Variants in PSG5 observed in about 807,000 individuals in gnomAD.
PSG5 encodes pregnancy specific beta-1-glycoprotein 5.
Under a neutral mutation model 37.7 loss-of-function variants are expected in PSG5, and 53 were observed. The ratio of observed to expected loss-of-function variants is 1.41; its 90% confidence interval spans 1.13 to 1.77. PSG5 has a LOEUF of 1.77. Ranked by LOEUF, PSG5 falls within the 40% of genes most tolerant of loss-of-function variation. The pLI, the probability that PSG5 is intolerant of heterozygous loss-of-function variation, is 0.00. For missense variants in PSG5, 547 were observed against 405.2 expected (o/e 1.35, Z -3.00); for synonymous variants, 221 against 155.4 (o/e 1.42, Z -3.14).
At chr19:43,182,832 C>T (rs1969158531) in intron 2 of PSG5, among the ~76,000 whole-genome samples, 2 of 146,706 alleles carry the variant, frequency 1.4e-5, no homozygotes, top group African/African-American at 2.6e-5. Context: ...GGAAAGAGCC[C>T]TGGATGGGAA....
intron 2 of PSG5, chr19:43,179,037 C>T: frequency 1.2e-6 from 2 of 1,612,692 alleles, no homozygotes; most frequent in Middle Eastern, 1.7e-4. Flanking sequence ...GAGGCTCTGA[C>T]CATTCATCCA....
chr19:43,174,893 G>C lies in PSG5; in HGVS notation c.964+322C>G, dbSNP rs1043786234. 2.7e-5 allele frequency: 33 copies of C among 1,201,508 alleles called. No homozygotes were observed. The East Asian group carries it at 7.0e-4, about 26-fold the overall frequency. The allele number at this position is 1,201,508 out of a possible 1,614,324, so 74.4% of individuals were successfully genotyped here. On this transcript the variant is annotated intron_variant, in intron 4 of 5. Transcript: ENST00000342951. Reference sequence around the variant, plus strand: ...AAGACATGGCAGAAGGGGATGTGTTGGTGACATCGAGAAGCAACTTGATCT... The same window carrying C: ...AAGACATGGCAGAAGGGGATGTGTTCGTGACATCGAGAAGCAACTTGATCT...
rs1968866148 is a variant in PSG5, at chr19:43,169,858, A to T, written c.*40+197T>A. The T allele has an allele frequency of 1.6e-5, 6 of 372,698 alleles. 1 individual carries two copies. The highest frequency in any genetic ancestry group is 1.6e-4 in the Admixed American group (4 of 25,410). The allele number at this position is 372,698 out of a possible 1,614,324, so 23.1% of individuals were successfully genotyped here. A position where few individuals can be genotyped will look rare whatever the true frequency, so the allele number is the denominator to read the frequency against. On this transcript the variant is annotated intron_variant, in intron 5 of 5. Transcript: ENST00000342951. ...AAATGAGCAGAGGCTGGAGATAATT[A>T]TGTCTAAAAGACAGTGGGGTACAGG...
chr19:43,186,534 C>A lies in PSG5; in HGVS notation c.-129G>T, dbSNP rs1447693901. The A allele has an allele frequency of 2.1e-6, 3 of 1,446,542 alleles. No individual in the cohort carries two copies. In the Admixed American group the frequency reaches 6.6e-5, roughly 32 times the overall value. 89.6% of individuals were successfully genotyped at this position (1,446,542 alleles called of 1,614,324 possible). ...GCCTCTCTCCAGGGCAGGAGCACTT[C>A]TCAGGCTCATGGGTGGGGTCAGGCC... On this transcript the variant is annotated 5_prime_UTR_variant, in exon 1 of 6. Coordinates refer to ENST00000342951, the MANE Select transcript of PSG5 (RefSeq NM_002781.4).
At chr19:43,176,291 A>G in intron 2 of PSG5, 143 bp from the exon 3 acceptor site, 1 of 1,425,932 alleles carries the variant, frequency 7.0e-7, no homozygotes, top group Non-Finnish European at 9.5e-7. Context: ...GTCACAAGAT[A>G]GATGCATGAT....
chr19:43,169,222 G>C (rs534995349), intron 5 of PSG5, among the ~76,000 whole-genome samples: 27 of 151,576 alleles, frequency 1.8e-4, no homozygotes, highest in East Asian at 5.8e-4. Flanking sequence ...TGTCTCCTGG[G>C]GTAGGGACCT....
At chr19:43,176,473 C>A (rs1969014579) in intron 2 of PSG5, among the ~76,000 whole-genome samples, 1 of 151,512 alleles carries the variant, frequency 6.6e-6, no homozygotes, top group Non-Finnish European at 1.5e-5. Context: ...GCTGGCTCAC[C>A]CTGGGTTCCT....
At chr19:43,179,008 G>T (rs759491665) in intron 2 of PSG5, 9 of 1,612,638 alleles carry the variant, frequency 5.6e-6, no homozygotes, top group Admixed American at 3.3e-5. Context: ...TTGGACAGCT[G>T]CAACCTGTGA....
intron 1 of PSG5, 151 bp downstream of exon 1, chr19:43,186,191 T>G: frequency 2.2e-6 from 3 of 1,372,090 alleles, no homozygotes; most frequent in Non-Finnish European, 3.0e-6. Flanking sequence ...TTGGCAGGAC[T>G]GACCTTGAAC....
At chr19:43,174,991 C>A (rs867757712) in intron 4 of PSG5, 2 of 1,412,346 alleles carry the variant, frequency 1.4e-6, no homozygotes, top group Non-Finnish European at 1.9e-6. Flanking sequence ...AAAGCCCCCT[C>A]CCTAACTTTC....
At chr19:43,172,897 C>A (rs1287251874) in intron 4 of PSG5, among the ~76,000 whole-genome samples, 1 of 151,532 alleles carries the variant, frequency 6.6e-6, no homozygotes, top group Non-Finnish European at 1.5e-5. Context: ...ATTTATATTG[C>A]ATCTCATGAC....
intron 4 of PSG5, among the ~76,000 whole-genome samples, chr19:43,172,761 G>T (rs891834660): frequency 1.3e-5 from 2 of 151,656 alleles, no homozygotes; most frequent in Non-Finnish European, 2.9e-5. Context: ...GACATTTTGT[G>T]TTCATGAATT....
intron 2 of PSG5, chr19:43,179,218 T>C: frequency 6.7e-7 from 1 of 1,489,294 alleles, no homozygotes; most frequent in Non-Finnish European, 9.2e-7. Context: ...CCAAAGGCAC[T>C]TTTCAATCAG....
chr19:43,186,037 T>C (rs963254530), intron 1 of PSG5, among the ~76,000 whole-genome samples: 13 of 151,206 alleles, frequency 8.6e-5, no homozygotes, highest in African/African-American at 2.0e-4. Flanking sequence ...CGTGCAGTGG[T>C]GCTATCTCGG....
intron 2 of PSG5, among the ~76,000 whole-genome samples, chr19:43,184,387 G>T (rs1392309028): frequency 2.0e-5 from 3 of 151,624 alleles, no homozygotes; most frequent in African/African-American, 4.9e-5. Flanking sequence ...AGGGACAGAG[G>T]TCTGGGGTTG....
intron 2 of PSG5, among the ~76,000 whole-genome samples, chr19:43,177,643 A>T (rs1969039491): frequency 6.6e-6 from 1 of 151,396 alleles, no homozygotes; most frequent in South Asian, 2.1e-4. Context: ...CTATGTCATG[A>T]GAACTTTAAA....
intron 4 of PSG5, among the ~76,000 whole-genome samples, chr19:43,172,179 A>G (rs1222518971): frequency 6.6e-6 from 1 of 151,586 alleles, no homozygotes; most frequent in Non-Finnish European, 1.5e-5. Flanking sequence ...AATCAATAAA[A>G]GCATTTGATG....
intron 4 of PSG5, chr19:43,174,524 G>A (rs1474223221): frequency 4.9e-6 from 4 of 809,456 alleles, no homozygotes; most frequent in East Asian, 1.2e-4. Context: ...TCATACAACC[G>A]GTGACTTCAG....
chr19:43,176,059 C>G lies in PSG5; in HGVS notation c.520G>C (p.Glu174Gln), dbSNP rs987849138. The G allele has an allele frequency of 3.1e-6, 5 of 1,611,006 alleles. No homozygotes were observed. The Admixed American group carries it at 8.4e-5, about 27-fold the overall frequency. The change falls in exon 3 of 6, where the codon GAG (glutamate) becomes CAG (glutamine). Residue 174 changes from glutamate (E) to glutamine (Q), a missense_variant. By Grantham distance (29) the Glu-to-Gln change is conservative. Coordinates refer to ENST00000342951, the MANE Select transcript of PSG5 (RefSeq NM_002781.4). Reference sequence around the variant, plus strand: ...AGCCACCAAATGTAGGTGTAGTTCTCACTCTTAGGTTCACAGGTGAAGGCT... The same window carrying G: ...AGCCACCAAATGTAGGTGTAGTTCTGACTCTTAGGTTCACAGGTGAAGGCT... ...VLAFTCEPKS[E>Q]NYTYIWWLNG...
Sources: allele counts gnomAD v4.1 joint callset (sites outside exome capture counted in the v4.1 genomes callset), GRCh38; gene constraint gnomAD v4.1.1; transcripts MANE v1.5; gene names NCBI Gene and HGNC (gene_info 2026-07-23, HGNC 2026-07-21).